The following LMAN1L variants were observed in gnomAD, a reference collection of about 807,000 sequenced individuals.
LMAN1L encodes the protein lectin, mannose binding 1 like.
LMAN1L carries 60 observed loss-of-function variants against 58.3 expected under a neutral mutation model. That is an observed-to-expected ratio of 1.03 (90% confidence interval 0.84 to 1.27). The LOEUF is 1.27. LMAN1L is among the 50% of genes most tolerant of loss of function. LMAN1L has a pLI of 0.00. For synonymous variants in LMAN1L, 280 were observed against 271.6 expected (o/e 1.03, Z -0.31); for missense variants, 629 against 674.0 (o/e 0.93, Z 0.74).
Position 74,823,692 on chromosome 15 carries a change from A to G in LMAN1L, c.1323+10A>G, listed in dbSNP as rs767875485. The G allele has an allele frequency of 6.2e-7, 1 of 1,611,936 alleles. No homozygotes were observed. Among genetic ancestry groups the G allele is most frequent in the Middle Eastern group, 1.7e-4 (1 of 5,848 alleles). On this transcript the variant is annotated intron_variant, in intron 12 of 13. Coordinates refer to ENST00000309664, the MANE Select transcript of LMAN1L (RefSeq NM_021819.3). Reference sequence around the variant, plus strand: ...GCTTCGGGGCCCGGCGGTGAGGGGAAAGTAGTGGGCAGCATGGGGTCCCCA... The same window carrying G: ...GCTTCGGGGCCCGGCGGTGAGGGGAGAGTAGTGGGCAGCATGGGGTCCCCA...
intron 9 of LMAN1L, among the ~76,000 whole-genome samples, 188 bp downstream of exon 9, chr15:74,821,414 C>T (rs1262391329): frequency 6.6e-6 from 1 of 152,140 alleles, no homozygotes; most frequent in African/African-American, 2.4e-5. Context: ...GCGCACGGGG[C>T]TGGGGCTGAG....
intron 13 of LMAN1L, chr15:74,824,820 AC>A (rs948741394): frequency 1.8e-5 from 4 of 217,258 alleles, no homozygotes; most frequent in African/African-American, 9.1e-5. Context: ...CCTGGAAGGG[AC>A]ATTTGATATG....
chr15:74,823,456 C>T lies in LMAN1L; in HGVS notation c.1200-103C>T, dbSNP rs2063926263. ...GGGGCCCCATGGATGGTACCTGTTCCCCATCCATGTGCTGCCCTTGGGGAG... is the reference window on the plus strand; with the variant it reads ...GGGGCCCCATGGATGGTACCTGTTCTCCATCCATGTGCTGCCCTTGGGGAG... On this transcript the variant is annotated intron_variant, in intron 11 of 13. Transcript: ENST00000309664. 4.5e-6 allele frequency: 6 copies of T among 1,322,620 alleles called. No individual in the cohort carries two copies. In the Admixed American group the frequency reaches 5.5e-5, roughly 12 times the overall value. 81.9% of individuals were successfully genotyped at this position (1,322,620 alleles called of 1,614,324 possible).
At chr15:74,817,307 G>C (rs79879088) in intron 4 of LMAN1L, among the ~76,000 whole-genome samples, 3,384 of 152,172 alleles carry the variant, frequency 0.022, 60 homozygotes, top group East Asian at 0.07. Flanking sequence ...TCATAACATT[G>C]TTATGAGGTC....
chr15:74,816,661 C>T lies in LMAN1L; in HGVS notation c.468C>T (p.Ser156=), dbSNP rs771039883. The change falls in exon 4 of 14, where the codon AGC becomes AGT. Residue 156 remains serine, a synonymous_variant. Coordinates refer to ENST00000309664, the MANE Select transcript of LMAN1L (RefSeq NM_021819.3). The part of the protein sequence containing the change: ...QDSPAIRVLA[S]DGHIPSEQPG... ...GTCCTGCCATCCGTGTGCTGGCCAGCGACGGGCACATCCCCTCTGAGCAGC... is the reference window on the plus strand; with the variant it reads ...GTCCTGCCATCCGTGTGCTGGCCAGTGACGGGCACATCCCCTCTGAGCAGC... 8 of 1,613,782 alleles carry T rather than the reference C, an allele frequency of 5.0e-6. No individual in the cohort carries two copies. The highest frequency in any genetic ancestry group is 4.4e-5 in the South Asian group (4 of 91,076).
intron 8 of LMAN1L, 45 bp downstream of exon 8, chr15:74,820,812 C>T (rs2063913301): frequency 6.3e-7 from 1 of 1,581,392 alleles, no homozygotes; most frequent in South Asian, 1.2e-5. Context: ...CTGAGTGTCA[C>T]AGCATCCTCC....
chr15:74,820,522 G>A (rs778739075), intron 7 of LMAN1L, 113 bp from the exon 8 acceptor site: 1 of 1,391,292 alleles, frequency 7.2e-7, no homozygotes, highest in Non-Finnish European at 1.0e-6. Flanking sequence ...GAAACTGCAG[G>A]GCCAGCTGGC....
chr15:74,815,571 TTGCTTTCC>T (rs995653837), intron 1 of LMAN1L, among the ~76,000 whole-genome samples: 19 of 152,356 alleles, frequency 1.2e-4, no homozygotes, highest in African/African-American at 3.6e-4. Context: ...CTTCACATCT[TTGCTTTCC>T]TGCTTTCCTC....
chr15:74,815,936 A>G (rs922508772), intron 1 of LMAN1L, among the ~76,000 whole-genome samples: 4 of 152,216 alleles, frequency 2.6e-5, no homozygotes, highest in African/African-American at 9.7e-5. Flanking sequence ...GTGAGGCTTC[A>G]CTGACGACGT....
At chr15:74,813,081 G>A in intron 1 of LMAN1L, 52 bp downstream of exon 1, 1 of 1,560,502 alleles carries the variant, frequency 6.4e-7, no homozygotes, top group South Asian at 1.2e-5. Flanking sequence ...CAAAGTGCTG[G>A]AGGGGCTGTG....
intron 7 of LMAN1L, 184 bp from the exon 8 acceptor site, chr15:74,820,451 G>A (rs548655548): frequency 3.8e-6 from 3 of 788,428 alleles, no homozygotes; most frequent in Non-Finnish European, 4.2e-6. Flanking sequence ...ATATAGGCTT[G>A]AGGCCACAGC....
Position 74,825,675 on chromosome 15 carries a change from C to T in LMAN1L, c.*70C>T. On this transcript the variant is annotated 3_prime_UTR_variant, in exon 14 of 14. Coordinates refer to ENST00000309664, the MANE Select transcript of LMAN1L (RefSeq NM_021819.3). ...CTTGGGTGGGGGCTTGGTCAGTATC[C>T]TCTCCGTCTGGGTGCCCAGCTCCCA... The T allele has an allele frequency of 2.0e-6, 3 of 1,524,518 alleles. No homozygotes were observed. Among genetic ancestry groups the T allele is most frequent in the Non-Finnish European group, 2.7e-6 (3 of 1,119,844 alleles). The allele number at this position is 1,524,518 out of a possible 1,614,324, so 94.4% of individuals were successfully genotyped here.
chr15:74,824,491 G>C lies in LMAN1L; in HGVS notation c.1451+13G>C. The C allele has an allele frequency of 6.2e-7, 1 of 1,613,954 alleles. No homozygotes were observed. The highest frequency in any genetic ancestry group is 8.5e-7 in the Non-Finnish European group (1 of 1,179,892). On this transcript the variant is annotated intron_variant, in intron 13 of 13. Coordinates refer to ENST00000309664, the MANE Select transcript of LMAN1L (RefSeq NM_021819.3). Reference sequence around the variant, plus strand: ...ACGTGCACTTCAGGTGGGCCACCCCGTGAGCAGGATTTCCCACAGCACTGG... The same window carrying C: ...ACGTGCACTTCAGGTGGGCCACCCCCTGAGCAGGATTTCCCACAGCACTGG...
In LMAN1L at chr15:74,819,312, GATGA is replaced by G. The variant is rs776533892; in HGVS notation, c.718+43_718+46del. The G allele has an allele frequency of 7.5e-6, 12 of 1,605,168 alleles. No individual in the cohort carries two copies. The East Asian group carries it at 2.5e-4, about 33-fold the overall frequency. On this transcript the variant is annotated intron_variant, in intron 6 of 13. Coordinates refer to ENST00000309664, the MANE Select transcript of LMAN1L (RefSeq NM_021819.3). ...GGACAGGTAAGAGCAGAAGGGCAGT[GATGA>G]ATAAATCACCCTCAGCACACCTTCT...
intron 4 of LMAN1L, among the ~76,000 whole-genome samples, chr15:74,817,856 T>TA (rs2063898597): frequency 6.6e-6 from 1 of 150,850 alleles, no homozygotes; most frequent in Admixed American, 6.6e-5. Context: ...TACTAAAAAT[T>TA]AAAAAAATTA....
rs2063931942 is a variant in LMAN1L at position 74,824,463 on chromosome 15, G to A, written c.1436G>A (p.Gly479Asp). 2.5e-6 allele frequency: 4 copies of A among 1,614,170 alleles called. No homozygotes were observed. Among genetic ancestry groups the A allele is most frequent in the Non-Finnish European group, 3.4e-6 (4 of 1,180,010 alleles). Residue 479 changes from glycine (G) to aspartate (D), a missense_variant, in exon 13 of 14, where the codon GGC becomes GAC. Gly to Asp is a moderately conservative substitution (Grantham distance 94, BLOSUM62 -1). Around this residue, in one of 3 missense-constraint regions of LMAN1L, gnomAD observed 53 missense variants for 59.7 expected, o/e 0.89. Coordinates refer to ENST00000309664, the MANE Select transcript of LMAN1L (RefSeq NM_021819.3). ...CTCATTCAGACTGTAGGCTTCTTCGGCTACGTGCACTTCAGGTGGGCCACC... is the reference window on the plus strand; with the variant it reads ...CTCATTCAGACTGTAGGCTTCTTCGACTACGTGCACTTCAGGTGGGCCACC... The part of the protein sequence containing the change: ...YLLIQTVGFF[G>D]YVHFRQELNK...
In LMAN1L at chr15:74,824,292, G is replaced by A. The variant is rs986665012; in HGVS notation, c.1324-59G>A. The A allele has an allele frequency of 4.3e-5, 66 of 1,544,760 alleles. No individual in the cohort carries two copies. The African/African-American group carries it at 6.6e-4, about 15-fold the overall frequency. ...GAGCATGCACATGGCCTAGATTCCA[G>A]GTCCCCCACTCCTTCTGGGTAAGAA... On this transcript the variant is annotated intron_variant, in intron 12 of 13. Coordinates refer to ENST00000309664, the MANE Select transcript of LMAN1L (RefSeq NM_021819.3).
At chr15:74,815,866 G>A (rs2063887913) in intron 1 of LMAN1L, among the ~76,000 whole-genome samples, 1 of 152,188 alleles carries the variant, frequency 6.6e-6, no homozygotes, top group Non-Finnish European at 1.5e-5. Context: ...TAACTTTTAT[G>A]AGCCTCACCT....
chr15:74,819,970 G>A (rs1025455097), intron 6 of LMAN1L, 74 bp from the exon 7 acceptor site: 56 of 1,380,422 alleles, frequency 4.1e-5, no homozygotes, highest in Admixed American at 1.0e-4. Context: ...ATATCATGGC[G>A]GTTAGGGTGA....
Sources: allele counts gnomAD v4.1 joint callset (sites outside exome capture counted in the v4.1 genomes callset), GRCh38; gene constraint gnomAD v4.1.1; regional missense constraint gnomAD v4.1.1; transcripts MANE v1.5; gene names NCBI Gene and HGNC (gene_info 2026-07-23, HGNC 2026-07-21).